Variants in SPATC1L observed in about 807,000 individuals in gnomAD.
The protein encoded by SPATC1L is spermatogenesis and centriole associated 1 like, also known as speriolin-like protein.
Under a neutral mutation model 21.2 loss-of-function variants are expected in SPATC1L, and 20 were observed. That is an observed-to-expected ratio of 0.94 (90% CI 0.66 to 1.37). The LOEUF (loss-of-function observed/expected upper bound fraction) is 1.37. SPATC1L is among the 40% of genes most tolerant of loss of function. The pLI, the probability that SPATC1L is intolerant of heterozygous loss-of-function variation, is 0.00. For missense variants in SPATC1L, 499 were observed against 478.7 expected, an observed-to-expected ratio of 1.04 and a Z score of -0.40; for synonymous variants, 290 against 234.5, an observed-to-expected ratio of 1.24 and a Z score of -2.16.
intron 2 of SPATC1L, among the ~76,000 whole-genome samples, chr21:46,179,932 C>A (rs2079659784): frequency 6.6e-6 from 1 of 152,262 alleles, no homozygotes; most frequent in Non-Finnish European, 1.5e-5. Context: ...GACAGATGAG[C>A]CCTCCTGTGA....
chr21:46,166,623 T>C (rs1460485517), intron 3 of SPATC1L, among the ~76,000 whole-genome samples: 1 of 152,060 alleles, frequency 6.6e-6, no homozygotes, highest in Middle Eastern at 3.2e-3. Context: ...AAAAGAGCAG[T>C]AGCAGCCATA....
chr21:46,161,832 G>T (rs1188868916), intron 4 of SPATC1L, 84 bp downstream of exon 4: 3 of 1,540,318 alleles, frequency 1.9e-6, no homozygotes, highest in Non-Finnish European at 2.6e-6. Flanking sequence ...ACAGTGCCCG[G>T]CCAGGAGCCA....
chr21:46,178,495 TTGAG>T (rs1452432653), intron 2 of SPATC1L, among the ~76,000 whole-genome samples: 1 of 152,158 alleles, frequency 6.6e-6, no homozygotes, highest in Non-Finnish European at 1.5e-5. Context: ...GGCTTAATAC[TTGAG>T]TGACAAAATA....
intron 2 of SPATC1L, among the ~76,000 whole-genome samples, chr21:46,171,120 T>G (rs370286917): frequency 6.6e-6 from 1 of 152,244 alleles, no homozygotes; most frequent in East Asian, 1.9e-4. Flanking sequence ...GGAGGGTCCA[T>G]GCCCACCAAC....
Position 46,161,300 on chromosome 21 carries a change from G to A in SPATC1L, c.*79C>T, listed in dbSNP as rs2079484015. The A allele has an allele frequency of 2.5e-5, 34 of 1,337,522 alleles. No individual in the cohort carries two copies. The South Asian group carries it at 4.9e-4, about 19-fold the overall frequency. 82.9% of individuals were successfully genotyped at this position (1,337,522 alleles called of 1,614,324 possible). A position where few individuals can be genotyped will look rare whatever the true frequency, so the allele number is the denominator to read the frequency against. ...GGGGACGCGGCCCTTTCCCCTCCGG[G>A]GGGACGCGCAGGAGGCACCGCGGCC... On this transcript the variant is annotated 3_prime_UTR_variant, in exon 5 of 5. Coordinates refer to ENST00000291672, the MANE Select transcript of SPATC1L (RefSeq NM_001142854.2).
At chr21:46,180,254 G>C (rs774378271) in intron 2 of SPATC1L, among the ~76,000 whole-genome samples, 1 of 152,192 alleles carries the variant, frequency 6.6e-6, no homozygotes, top group African/African-American at 2.4e-5. Flanking sequence ...GAAATGGATC[G>C]TTAAGGGGGA....
At chr21:46,175,381 T>C (rs1198568025) in intron 2 of SPATC1L, among the ~76,000 whole-genome samples, 5 of 152,076 alleles carry the variant, frequency 3.3e-5, no homozygotes, top group African/African-American at 1.2e-4. Flanking sequence ...AGCTGGTTTT[T>C]TGAAAAAATT....
chr21:46,164,164 C>T (rs183244834), intron 3 of SPATC1L, among the ~76,000 whole-genome samples: 9 of 152,070 alleles, frequency 5.9e-5, no homozygotes, highest in African/African-American at 1.4e-4. Context: ...TGCACCACCA[C>T]GACCAGCTAA....
At chr21:46,168,727 A>T (rs762075482) in intron 2 of SPATC1L, 69 bp from the exon 3 acceptor site, 3 of 1,125,826 alleles carry the variant, frequency 2.7e-6, no homozygotes, top group Non-Finnish European at 3.5e-6. Context: ...AAGTATAAAG[A>T]ACATGTTAAC....
At chr21:46,172,797 G>A (rs745577575) in intron 2 of SPATC1L, among the ~76,000 whole-genome samples, 11 of 152,220 alleles carry the variant, frequency 7.2e-5, no homozygotes, top group Non-Finnish European at 1.6e-4. Context: ...AGGTGCTGAG[G>A]GCAGATGGAG....
chr21:46,164,285 T>C (rs373465851), intron 3 of SPATC1L, among the ~76,000 whole-genome samples: 16 of 152,156 alleles, frequency 1.1e-4, no homozygotes, highest in African/African-American at 3.6e-4. Flanking sequence ...AATGTTGGGA[T>C]TACAGGTGTG....
chr21:46,176,646 G>A (rs1461250845), intron 2 of SPATC1L, among the ~76,000 whole-genome samples: 2 of 151,964 alleles, frequency 1.3e-5, no homozygotes, highest in Non-Finnish European at 2.9e-5. Flanking sequence ...ACACAAATGG[G>A]AAAACATTCC....
chr21:46,171,065 G>C (rs1001697311), intron 2 of SPATC1L, among the ~76,000 whole-genome samples: 1 of 152,230 alleles, frequency 6.6e-6, no homozygotes, highest in Non-Finnish European at 1.5e-5. Flanking sequence ...GTGGTCTGAC[G>C]CTGGGCTCAG....
chr21:46,167,225 A>T (rs2079547822), intron 3 of SPATC1L, among the ~76,000 whole-genome samples: 1 of 152,244 alleles, frequency 6.6e-6, no homozygotes, highest in Admixed American at 6.5e-5. Flanking sequence ...CTTGAAACAA[A>T]TGATAATGGA....
At position 46,173,042 on chromosome 21, in the gene SPATC1L, C is replaced by T. The variant is rs563327206; in HGVS notation, c.194-4384G>A. 3.3e-5 allele frequency among the ~76,000 whole-genome samples: 5 copies of T among 152,356 alleles called. No individual in the cohort carries two copies. In the East Asian group the frequency reaches 9.7e-4, roughly 29 times the overall value. ...CTGCTTAGAGAAGTGATGGGGGCAG[C>T]AGCCAGCTGAAGCAGAACCCAGAGG... is the stretch of plus-strand genomic sequence containing the variant. On this transcript the variant is annotated intron_variant, in intron 2 of 4. Transcript: ENST00000291672.
At chr21:46,176,290 A>G (rs997010836) in intron 2 of SPATC1L, among the ~76,000 whole-genome samples, 3 of 152,212 alleles carry the variant, frequency 2.0e-5, no homozygotes, top group African/African-American at 7.2e-5. Context: ...CAGAGCAATC[A>G]GGCCAAAGAA....
At chr21:46,167,160 C>T (rs758464239) in intron 3 of SPATC1L, among the ~76,000 whole-genome samples, 26 of 152,162 alleles carry the variant, frequency 1.7e-4, no homozygotes, top group Non-Finnish European at 3.4e-4. Flanking sequence ...AAACAATACG[C>T]TCCTGGATGG....
At chr21:46,162,138 C>G in intron 3 of SPATC1L, 71 bp from the exon 4 acceptor site, 1 of 1,458,548 alleles carries the variant, frequency 6.9e-7, no homozygotes. Context: ...GTGCCCTCGG[C>G]CACGTGGGGG....
intron 2 of SPATC1L, among the ~76,000 whole-genome samples, chr21:46,174,282 T>C (rs1169467641): frequency 6.7e-6 from 1 of 149,074 alleles, no homozygotes; most frequent in Non-Finnish European, 1.5e-5. Context: ...TGAGCCGAGA[T>C]TGTGCTACTG....
Sources: gnomAD v4.1 joint callset for allele counts (sites outside exome capture counted in the v4.1 genomes callset) on GRCh38, gnomAD v4.1.1 for gene constraint, MANE v1.5 for transcripts, NCBI Gene and HGNC (gene_info 2026-07-23, HGNC 2026-07-21) for gene names.